The following PGBD2 variants were observed in gnomAD, a reference collection of about 807,000 sequenced individuals.
PGBD2 encodes piggyBac transposable element-derived protein 2.
In PGBD2, 6 loss-of-function variants were observed where a neutral mutation model predicts 8.1. That is an observed-to-expected ratio of 0.74 (90% CI 0.40 to 1.46). The LOEUF is 1.46. PGBD2 is among the 40% of genes most tolerant of loss of function. The pLI is 0.02. For synonymous variants in PGBD2, 318 were observed against 272.2 expected, an observed-to-expected ratio of 1.17 and a Z score of -1.66; for missense variants, 802 against 739.0, an observed-to-expected ratio of 1.09 and a Z score of -0.99.
chr1:248,922,441 C>A (rs977547514), downstream of PGBD2, among the ~76,000 whole-genome samples: 5 of 152,152 alleles, frequency 3.3e-5, no homozygotes, highest in African/African-American at 4.8e-5. Context: ...ATTTGAATAC[C>A]CTTTATTTCT....
the PGBD2 span, among the ~76,000 whole-genome samples, chr1:248,882,600 G>A: frequency 6.6e-6 from 1 of 152,154 alleles, no homozygotes; most frequent in African/African-American, 2.4e-5. Context: ...GGCAAGATGA[G>A]GGCGTTTATA....
At chr1:248,921,180 A>G (rs1179297624), downstream of PGBD2, among the ~76,000 whole-genome samples, 1 of 152,130 alleles carries the variant, frequency 6.6e-6, no homozygotes, top group Admixed American at 6.6e-5. Flanking sequence ...TTTTGTTGCC[A>G]TTGCTTTTGG....
In PGBD2 at chr1:248,914,634, G is replaced by A. The variant is rs187557371; in HGVS notation, c.17+755G>A. 379 of 1,278,830 alleles carry A rather than the reference G, an allele frequency of 3.0e-4. 3 individuals carry two copies. In the Admixed American group the frequency reaches 7.2e-3, roughly 24 times the overall value. 79.2% of individuals were successfully genotyped at this position (1,278,830 alleles called of 1,614,324 possible). On this transcript the variant is annotated intron_variant, in intron 2 of 2. Transcript: ENST00000329291. ...ATGGAGGGTCCTCACGTAGAGGTTG[G>A]GGCCTGCAAAGGGGCACAGGGAAGC...
At chr1:248,888,778 A>G in the PGBD2 span, among the ~76,000 whole-genome samples, 2 of 152,082 alleles carry the variant, frequency 1.3e-5, no homozygotes, top group African/African-American at 4.8e-5. Flanking sequence ...TTTTGTTGCA[A>G]TTGTTTTTGA....
At chr1:248,915,322 A>G (rs1057391976) in intron 2 of PGBD2, among the ~76,000 whole-genome samples, 3 of 152,210 alleles carry the variant, frequency 2.0e-5, no homozygotes, top group Non-Finnish European at 4.4e-5. Flanking sequence ...AGATGGTGTA[A>G]AAGCCAGATA....
At position 248,906,277 on chromosome 1, in the gene PGBD2, G is replaced by C. The variant is rs999119485; in HGVS notation, c.-113G>C. ...GACGCCCGACGCCAACGCAGGCGCA[G>C]CGCTCCGATTCGGCGCGGCTCATGG... is the stretch of plus-strand genomic sequence containing the variant. On this transcript the variant is annotated 5_prime_UTR_variant, in exon 1 of 3. Coordinates refer to ENST00000329291, the MANE Select transcript of PGBD2 (RefSeq NM_170725.3). 2 of 152,060 alleles carry C rather than the reference G, an allele frequency of 1.3e-5. No individual in the cohort carries two copies. Among genetic ancestry groups the C allele is most frequent in the Non-Finnish European group, 2.9e-5 (2 of 68,026 alleles). The allele number at this position is 152,060 out of a possible 1,614,324, so 9.4% of individuals were successfully genotyped here. A position where few individuals can be genotyped will look rare whatever the true frequency, so the allele number is the denominator to read the frequency against.
At chr1:248,914,780 C>T (rs768327537) in intron 2 of PGBD2, among the ~76,000 whole-genome samples, 2 of 152,182 alleles carry the variant, frequency 1.3e-5, no homozygotes, top group Non-Finnish European at 2.9e-5. Context: ...ACCCCTGGGG[C>T]TACGTATGGC....
At chr1:248,927,662 G>A in the PGBD2 span, among the ~76,000 whole-genome samples, 2 of 152,128 alleles carry the variant, frequency 1.3e-5, no homozygotes, top group Admixed American at 6.5e-5. Context: ...GCCCATGCAT[G>A]GTAGTTTACC....
chr1:248,901,762 C>T (rs1289717944), upstream of PGBD2, among the ~76,000 whole-genome samples: 1 of 152,120 alleles, frequency 6.6e-6, no homozygotes, highest in Non-Finnish European at 1.5e-5. Flanking sequence ...AACTAAAAAG[C>T]TTCTGCACAG....
the PGBD2 span, among the ~76,000 whole-genome samples, chr1:248,874,903 G>GAGATAGAT: frequency 5.0e-3 from 721 of 145,420 alleles, 2 homozygotes; most frequent in East Asian, 0.013. Context: ...TAGGTAGATA[G>GAGATAGAT]AGATAGATAG....
Position 248,917,114 on chromosome 1 carries a change from A to T in PGBD2, c.530A>T (p.Gln177Leu), listed in dbSNP as rs1466778321. Residue 177 changes from glutamine to leucine, a missense_variant, in exon 3 of 3, where the codon CAG (glutamine) becomes CTG (leucine). Physicochemically the swap from Gln to Leu is moderately radical, Grantham distance 113. Transcript: ENST00000329291. ...QKNVNLSLTA[Q>L]ELKCVLGILI... ...AATGTCAATTTGAGTCTTACGGCTC[A>T]GGAATTGAAGTGTGTTTTGGGCATT... The T allele has an allele frequency of 6.2e-7, 1 of 1,614,000 alleles. No individual in the cohort carries two copies. The highest frequency in any genetic ancestry group is 1.3e-5 in the African/African-American group (1 of 74,898).
chr1:248,894,654 T>G, the PGBD2 span, among the ~76,000 whole-genome samples: 7 of 151,862 alleles, frequency 4.6e-5, no homozygotes, highest in African/African-American at 1.7e-4. Context: ...TATACACATT[T>G]TCTTTTTTCT....
the PGBD2 span, among the ~76,000 whole-genome samples, chr1:248,889,113 A>G: frequency 6.6e-6 from 1 of 152,222 alleles, no homozygotes; most frequent in Non-Finnish European, 1.5e-5. Flanking sequence ...TGGGCCGGTA[A>G]CTGTGGCTCA....
the PGBD2 span, among the ~76,000 whole-genome samples, chr1:248,893,273 C>T: frequency 6.6e-6 from 1 of 152,170 alleles, no homozygotes; most frequent in Non-Finnish European, 1.5e-5. Flanking sequence ...TTTTTAAGTG[C>T]ACAAAACCTT....
At chr1:248,880,396 ATGTATTTTTGAATGGGC>A in the PGBD2 span, among the ~76,000 whole-genome samples, 3 of 152,234 alleles carry the variant, frequency 2.0e-5, no homozygotes, top group African/African-American at 7.2e-5. Context: ...TGTAAGCCGT[ATGTATTTTTGAATGGGC>A]TGTATTTGTT....
At chr1:248,874,124 G>T in the PGBD2 span, among the ~76,000 whole-genome samples, 1 of 152,164 alleles carries the variant, frequency 6.6e-6, no homozygotes, top group Non-Finnish European at 1.5e-5. Context: ...CCTACCAAGG[G>T]GAGGGAAGCA....
chr1:248,923,941 A>G (rs533142608), downstream of PGBD2, among the ~76,000 whole-genome samples: 89 of 152,320 alleles, frequency 5.8e-4, no homozygotes, highest in African/African-American at 1.9e-3. Flanking sequence ...TTTTCTTCTA[A>G]GGTGAGATGC....
chr1:248,888,560 A>G, the PGBD2 span, among the ~76,000 whole-genome samples: 2 of 152,004 alleles, frequency 1.3e-5, no homozygotes, highest in Non-Finnish European at 2.9e-5. Flanking sequence ...TTGTCTATTC[A>G]TGCCCTTTGC....
the PGBD2 span, among the ~76,000 whole-genome samples, chr1:248,900,386 T>C: frequency 6.6e-6 from 1 of 152,182 alleles, no homozygotes; most frequent in African/African-American, 2.4e-5. Context: ...ATCAAAAAGC[T>C]TATCCACCAT....
Sources: allele counts gnomAD v4.1 joint callset (sites outside exome capture counted in the v4.1 genomes callset), GRCh38; gene constraint gnomAD v4.1.1; transcripts MANE v1.5; gene names NCBI Gene and HGNC (gene_info 2026-07-23, HGNC 2026-07-21).